GBA1: variants seen among roughly 807,000 people sequenced by gnomAD.
GBA1 encodes the protein glucosylceramidase beta 1.
At chr1:155,236,397 G>A in the GBA1 span, 1 of 1,614,180 alleles carries the variant, frequency 6.2e-7, no homozygotes, top group Non-Finnish European at 8.5e-7. Flanking sequence ...GCTTTGGCTG[G>A]AGCCAGAAAG....
the GBA1 span, chr1:155,241,001 C>G: frequency 4.6e-6 from 6 of 1,313,562 alleles, no homozygotes; most frequent in Admixed American, 1.7e-5. Flanking sequence ...GCCCTGGATT[C>G]AAAGAGAGTC....
At chr1:155,240,640 C>G in the GBA1 span, 2 of 1,613,400 alleles carry the variant, frequency 1.2e-6, no homozygotes, top group Non-Finnish European at 8.5e-7. Context: ...CTGATGCCCA[C>G]GACACTGCCT....
the GBA1 span, chr1:155,237,919 A>T: frequency 1.5e-6 from 1 of 662,728 alleles, no homozygotes; most frequent in African/African-American, 1.8e-5. Flanking sequence ...AAAAAAAAAG[A>T]AGAAAAATAA....
At chr1:155,236,221 G>T in the GBA1 span, 8 of 1,595,176 alleles carry the variant, frequency 5.0e-6, no homozygotes, top group South Asian at 8.8e-5. Context: ...CTGCTTTGCA[G>T]GAAGGGAGAC....
chr1:155,236,507 C>G, the GBA1 span: 2 of 1,514,858 alleles, frequency 1.3e-6, no homozygotes, highest in African/African-American at 2.7e-5. Flanking sequence ...ACCTTGCACA[C>G]AGGCTTCTGG....
chr1:155,235,812 G>T, the GBA1 span: 1 of 1,614,260 alleles, frequency 6.2e-7, no homozygotes, highest in Non-Finnish European at 8.5e-7. Flanking sequence ...CAAGGTTCCA[G>T]TCGGTCCAGC....
the GBA1 span, among the ~76,000 whole-genome samples, chr1:155,242,362 A>G: frequency 1.3e-5 from 2 of 152,072 alleles, no homozygotes; most frequent in African/African-American, 4.8e-5. Context: ...AGCTGGGATT[A>G]CAGGTGCCCT....
the GBA1 span, chr1:155,238,334 G>T: frequency 3.2e-6 from 5 of 1,550,990 alleles, no homozygotes; most frequent in East Asian, 4.8e-5. Flanking sequence ...GAAGAGAGAA[G>T]CACCCAGAGT....
the GBA1 span, chr1:155,239,475 G>T: frequency 2.2e-6 from 2 of 891,048 alleles, no homozygotes; most frequent in Non-Finnish European, 3.6e-6. Context: ...AGGTTGCTGT[G>T]AGGGGAGATC....
chr1:155,240,731 G>A, the GBA1 span: 8 of 1,605,194 alleles, frequency 5.0e-6, no homozygotes, highest in Non-Finnish European at 3.4e-6. Context: ...AGGACAGAAT[G>A]AGGAATGACT....
the GBA1 span, chr1:155,238,257 A>T: frequency 6.2e-7 from 1 of 1,611,290 alleles, no homozygotes; most frequent in Non-Finnish European, 8.5e-7. Context: ...GCTGGCAAGG[A>T]GTGAAACGGG....
chr1:155,239,874 T>G, the GBA1 span: 1 of 1,613,642 alleles, frequency 6.2e-7, no homozygotes, highest in Non-Finnish European at 8.5e-7. Context: ...GGGTGAGGGG[T>G]GTAATGGTTA....
the GBA1 span, chr1:155,235,990 T>G: frequency 1.2e-4 from 120 of 963,216 alleles, no homozygotes; most frequent in Non-Finnish European, 1.6e-4. Flanking sequence ...GAGTTGGGGG[T>G]GTGAAGATCC....
the GBA1 span, among the ~76,000 whole-genome samples, chr1:155,243,559 A>C: frequency 2.0e-5 from 3 of 152,048 alleles, no homozygotes; most frequent in Non-Finnish European, 4.4e-5. Context: ...CTCTGCCTCC[A>C]GAATAAGCAA....
the GBA1 span, chr1:155,239,615 C>T: frequency 6.2e-7 from 1 of 1,614,202 alleles, no homozygotes; most frequent in South Asian, 1.1e-5. Context: ...TTCCTCCTCA[C>T]CTTCTTCAGA....
the GBA1 span, among the ~76,000 whole-genome samples, chr1:155,239,114 A>G: frequency 6.6e-6 from 1 of 151,922 alleles, no homozygotes; most frequent in Non-Finnish European, 1.5e-5. Context: ...GGTACTCGAG[A>G]GGCTGAGACA....
the GBA1 span, among the ~76,000 whole-genome samples, chr1:155,241,740 G>A: frequency 6.6e-6 from 1 of 152,134 alleles, no homozygotes; most frequent in Non-Finnish European, 1.5e-5. Context: ...AATTATCCAG[G>A]ATGGCTTCAC....
the GBA1 span, chr1:155,236,527 T>G: frequency 7.3e-7 from 1 of 1,374,884 alleles, no homozygotes; most frequent in Non-Finnish European, 1.0e-6. Flanking sequence ...GAACTTCTAG[T>G]TCCTGTTGTA....
the GBA1 span, chr1:155,238,700 A>G: frequency 6.2e-7 from 1 of 1,610,366 alleles, no homozygotes; most frequent in Non-Finnish European, 8.5e-7. Flanking sequence ...ATAGGAGAGT[A>G]TGGGACTCTG....
Sources: allele counts gnomAD v4.1 joint callset (sites outside exome capture counted in the v4.1 genomes callset), GRCh38; gene constraint gnomAD v4.1.1; transcripts MANE v1.5; gene names NCBI Gene and HGNC (gene_info 2026-07-23, HGNC 2026-07-21).